CSMD1: variants seen among roughly 807,000 people sequenced by gnomAD.
CSMD1 encodes the protein CUB and sushi domain-containing protein 1.
A neutral mutation model predicts 417.5 loss-of-function variants in CSMD1; 213 were observed. That is an observed-to-expected ratio of 0.51 (90% CI 0.46 to 0.57). The LOEUF is 0.57. Among genes scored for constraint, CSMD1 ranks in the 20% least tolerant of loss-of-function variants. The pLI, the probability that CSMD1 is intolerant of heterozygous loss-of-function variation, is 0.00. For missense variants in CSMD1, 6,923 were observed against 4,529.7 expected (o/e 1.53, Z -15.17); for synonymous variants, 2,862 against 1,736.8 (o/e 1.65, Z -16.11).
chr8:4,877,176 T>A (rs1803096086), intron 1 of CSMD1, among the ~76,000 whole-genome samples: 1 of 152,040 alleles, frequency 6.6e-6, no homozygotes, highest in Non-Finnish European at 1.5e-5. Context: ...ATGTGTCTTT[T>A]GACAATGGCC....
intron 5 of CSMD1, among the ~76,000 whole-genome samples, chr8:3,778,665 C>G (rs1799020392): frequency 6.6e-6 from 1 of 152,192 alleles, no homozygotes; most frequent in African/African-American, 2.4e-5. Flanking sequence ...GTTTCTGGAC[C>G]AGAGCTTCCT....
At chr8:3,759,858 G>C (rs1430941895) in intron 5 of CSMD1, among the ~76,000 whole-genome samples, 2 of 148,716 alleles carry the variant, frequency 1.3e-5, no homozygotes, top group Non-Finnish European at 3.0e-5. Flanking sequence ...CAGTGACCCG[G>C]AGATTGCACT....
At chr8:4,042,815 TAAAAAAAAAAA>T (rs60411612) in intron 3 of CSMD1, among the ~76,000 whole-genome samples, 12 of 41,312 alleles carry the variant, frequency 2.9e-4, no homozygotes, top group Admixed American at 1.5e-3. Flanking sequence ...TACAACATAT[TAAAAAAAAAAA>T]AAAAAAAAAA....
rs1006235955 is a variant in CSMD1 at position 4,116,693 on chromosome 8, G to A, written c.416-84594C>T. Among the ~76,000 whole-genome samples, 9 of 152,158 alleles carry A rather than the reference G, an allele frequency of 5.9e-5. No homozygotes were observed. In the East Asian group the frequency reaches 1.6e-3, roughly 26 times the overall value. The stretch of plus-strand genomic sequence containing the variant: ...GATGTACGAGTGCAGGTGCCTGGAT[G>A]GAACAAACGCGCCATGCAGCAGGGC... On this transcript the variant is annotated intron_variant, in intron 3 of 69. Coordinates refer to ENST00000635120, the MANE Select transcript of CSMD1 (RefSeq NM_033225.6).
intron 26 of CSMD1, among the ~76,000 whole-genome samples, chr8:3,253,194 C>T (rs1442717769): frequency 2.0e-5 from 3 of 151,846 alleles, no homozygotes; most frequent in African/African-American, 4.8e-5. Context: ...CTACACACTG[C>T]TTTGTATGTG....
chr8:3,071,936 C>T (rs1813349767), intron 49 of CSMD1, among the ~76,000 whole-genome samples: 1 of 152,210 alleles, frequency 6.6e-6, no homozygotes, highest in African/African-American at 2.4e-5. Context: ...CTGTTTTACT[C>T]CTCATGACAC....
Position 4,865,494 on chromosome 8 carries a change from G to A in CSMD1, c.85+128838C>T, listed in dbSNP as rs143983883. Among the ~76,000 whole-genome samples, 814 of 151,418 alleles carry A rather than the reference G, an allele frequency of 5.4e-3. 12 individuals carry two copies. The highest frequency in any genetic ancestry group is 0.018 in the African/African-American group (745 of 41,098). ...ATACACAGCTTCAGTAGGTTTCCTCGTACTTTAAACATGATGCAACAATAT... is the reference window on the plus strand; with the variant it reads ...ATACACAGCTTCAGTAGGTTTCCTCATACTTTAAACATGATGCAACAATAT... On this transcript the variant is annotated intron_variant, in intron 1 of 69. Transcript: ENST00000635120.
intron 55 of CSMD1, among the ~76,000 whole-genome samples, chr8:2,977,366 C>A (rs1805015938): frequency 6.6e-6 from 1 of 152,182 alleles, no homozygotes; most frequent in Admixed American, 6.5e-5. Context: ...GTTTTCTGTT[C>A]CTGCATTAGT....
chr8:4,759,613 G>A (rs777522169), intron 1 of CSMD1, among the ~76,000 whole-genome samples: 19 of 151,832 alleles, frequency 1.3e-4, no homozygotes, highest in Non-Finnish European at 2.6e-4. Flanking sequence ...CCCTCCCTAC[G>A]TCCATGTGTT....
chr8:3,719,099 G>A (rs1043615429), intron 6 of CSMD1, among the ~76,000 whole-genome samples: 4 of 152,094 alleles, frequency 2.6e-5, no homozygotes, highest in South Asian at 2.1e-4. Flanking sequence ...CAGACGATTC[G>A]CAAATTCCAA....
chr8:3,362,483 A>G (rs958920714), intron 20 of CSMD1, among the ~76,000 whole-genome samples: 1 of 152,162 alleles, frequency 6.6e-6, no homozygotes, highest in Non-Finnish European at 1.5e-5. Context: ...AGCTCCCTGG[A>G]TGCCACTCTC....
intron 1 of CSMD1, among the ~76,000 whole-genome samples, chr8:4,982,380 G>A (rs1563928201): frequency 6.6e-6 from 1 of 152,158 alleles, no homozygotes; most frequent in Admixed American, 6.6e-5. Flanking sequence ...CTGGTCCTGC[G>A]GAGAGGATAA....
intron 5 of CSMD1, among the ~76,000 whole-genome samples, chr8:3,850,386 G>T (rs1803815650): frequency 6.6e-6 from 1 of 152,258 alleles, no homozygotes; most frequent in East Asian, 1.9e-4. Context: ...CACTGACACT[G>T]AATTCAACTC....
At chr8:3,433,532 C>G (rs1194460864) in intron 12 of CSMD1, among the ~76,000 whole-genome samples, 1 of 152,106 alleles carries the variant, frequency 6.6e-6, no homozygotes, top group Non-Finnish European at 1.5e-5. Context: ...TATGTAATGA[C>G]CATGGTTCTT....
At chr8:4,520,136 C>G (rs1446565264) in intron 2 of CSMD1, among the ~76,000 whole-genome samples, 5 of 152,124 alleles carry the variant, frequency 3.3e-5, no homozygotes, top group African/African-American at 1.2e-4. Context: ...TCTGAAAGAG[C>G]AAAGTGGTAG....
intron 7 of CSMD1, among the ~76,000 whole-genome samples, chr8:3,694,546 G>A (rs1042921749): frequency 3.3e-5 from 5 of 151,954 alleles, no homozygotes; most frequent in African/African-American, 7.3e-5. Flanking sequence ...AGATCCCCAG[G>A]TTCAGGTTCA....
At chr8:3,676,107 T>C (rs1386998111) in intron 7 of CSMD1, among the ~76,000 whole-genome samples, 3 of 152,238 alleles carry the variant, frequency 2.0e-5, no homozygotes, top group African/African-American at 2.4e-5. Flanking sequence ...TGTGTGTTTA[T>C]AAATGCTTGT....
intron 7 of CSMD1, among the ~76,000 whole-genome samples, chr8:3,622,726 CAGAAAAA>C (rs1796315099): frequency 6.6e-6 from 1 of 152,094 alleles, no homozygotes; most frequent in Admixed American, 6.5e-5. Context: ...GATAAACAGT[CAGAAAAA>C]GTATGCTGAC....
At position 4,628,712 on chromosome 8, in the gene CSMD1, G is replaced by C. The variant is rs189870516; in HGVS notation, c.302+8630C>G. Among the ~76,000 whole-genome samples the C allele has an allele frequency of 1.6e-4, 24 of 151,740 alleles. No homozygotes were observed. The East Asian group carries it at 4.3e-3, about 27-fold the overall frequency. ...TTTTTACCTTGGTTAAAATTACACT[G>C]ACTCATGGGAAGCCATCTAAGAGCC... On this transcript the variant is annotated intron_variant, in intron 2 of 69. Transcript: ENST00000635120.
Sources: allele counts gnomAD v4.1 joint callset (sites outside exome capture counted in the v4.1 genomes callset), GRCh38; gene constraint gnomAD v4.1.1; transcripts MANE v1.5; gene names NCBI Gene and HGNC (gene_info 2026-07-23, HGNC 2026-07-21).